Variants in CFAP221 observed in about 807,000 individuals in gnomAD.
The protein encoded by CFAP221 is cilia and flagella associated protein 221.
A neutral mutation model predicts 113.1 loss-of-function variants in CFAP221; 97 were observed. That is an observed-to-expected ratio of 0.86 (90% CI 0.73 to 1.02). The LOEUF (loss-of-function observed/expected upper bound fraction) is 1.02, where lower values mean the gene tolerates loss of function less well. CFAP221 is among the 50% of genes least tolerant of loss of function. The probability of loss-of-function intolerance (pLI) is 0.00; values close to 1 mark genes in which losing one functional copy is unlikely to be tolerated. For synonymous variants in CFAP221, 331 were observed against 354.4 expected (o/e 0.93, Z 0.74); for missense variants, 1,025 against 1,013.4 (o/e 1.01, Z -0.16).
intron 5 of CFAP221, 60 bp downstream of exon 5, chr2:119,560,086 A>G: frequency 3.2e-6 from 4 of 1,244,142 alleles, no homozygotes; most frequent in East Asian, 2.6e-5. Context: ...TAAAACTTAC[A>G]TTCTCAATGG....
At chr2:119,560,893 G>T (rs922867607) in intron 5 of CFAP221, among the ~76,000 whole-genome samples, 1 of 151,976 alleles carries the variant, frequency 6.6e-6, no homozygotes. Flanking sequence ...TAGGGGGAGG[G>T]AAAGAATCTT....
chr2:119,638,501 T>C, intron 20 of CFAP221, 84 bp downstream of exon 20: 1 of 1,537,766 alleles, frequency 6.5e-7, no homozygotes, highest in Non-Finnish European at 8.9e-7. Flanking sequence ...ACAGCTGGAA[T>C]TGCGACAAAG....
chr2:119,608,671 G>A (rs1684946292), intron 12 of CFAP221, 82 bp downstream of exon 12: 1 of 1,188,412 alleles, frequency 8.4e-7, no homozygotes, highest in Admixed American at 1.9e-5. Flanking sequence ...CCAGGTGGAG[G>A]AAAACCCACA....
intron 20 of CFAP221, 139 bp downstream of exon 20, chr2:119,638,556 C>T: frequency 1.8e-6 from 2 of 1,116,600 alleles, no homozygotes; most frequent in South Asian, 1.5e-5. Flanking sequence ...CACCGCCCCT[C>T]ATACCGCCAG....
At chr2:119,631,001 G>T in intron 19 of CFAP221, 100 bp downstream of exon 19, 3 of 1,485,528 alleles carry the variant, frequency 2.0e-6, no homozygotes, top group East Asian at 2.3e-5. Flanking sequence ...TTTTCTCTTT[G>T]GAATTTCAAG....
Position 119,559,951 on chromosome 2 carries a change from G to A in CFAP221, c.351G>A (p.Leu117=), listed in dbSNP as rs576652538. The A allele has an allele frequency of 3.9e-6, 6 of 1,535,046 alleles. No homozygotes were observed. The highest frequency in any genetic ancestry group is 1.2e-5 in the South Asian group (1 of 84,014). The change falls in exon 5 of 24, where the codon TTG becomes TTA. Residue 117 remains leucine, a synonymous_variant. Coordinates refer to ENST00000413369, the MANE Select transcript of CFAP221 (RefSeq NM_001271049.2). ...AGGAACACCACCTGGTCCCTGGCTT[G>A]TCCCTCACGGTCACCGTTACATTTT... ...VRKEHHLVPG[L]SLTVTVTFSP... is the part of the protein sequence containing the mutation.
intron 19 of CFAP221, among the ~76,000 whole-genome samples, chr2:119,635,646 A>G (rs1174860291): frequency 6.6e-6 from 1 of 152,242 alleles, no homozygotes; most frequent in African/African-American, 2.4e-5. Flanking sequence ...ATGTTATATC[A>G]AACTATGTAA....
At chr2:119,615,324 G>A (rs1685450457) in intron 13 of CFAP221, among the ~76,000 whole-genome samples, 1 of 152,156 alleles carries the variant, frequency 6.6e-6, no homozygotes, top group South Asian at 2.1e-4. Flanking sequence ...CATGGGATTG[G>A]TGACTTTATT....
At chr2:119,647,623 C>T (rs1354775605) in intron 22 of CFAP221, among the ~76,000 whole-genome samples, 1 of 152,104 alleles carries the variant, frequency 6.6e-6, no homozygotes, top group African/African-American at 2.4e-5. Flanking sequence ...CCAGCTCACA[C>T]GTGTACGTCC....
chr2:119,579,298 T>C (rs1682685695), intron 6 of CFAP221, among the ~76,000 whole-genome samples: 1 of 152,072 alleles, frequency 6.6e-6, no homozygotes, highest in Non-Finnish European at 1.5e-5. Context: ...GCACGAGATA[T>C]ATATATATAC....
chr2:119,594,050 T>C (rs988348327), intron 7 of CFAP221, among the ~76,000 whole-genome samples: 3 of 152,138 alleles, frequency 2.0e-5, no homozygotes, highest in African/African-American at 7.2e-5. Flanking sequence ...ATCCAAACCA[T>C]AGCATACAGT....
intron 6 of CFAP221, among the ~76,000 whole-genome samples, chr2:119,577,940 C>T (rs1184074248): frequency 1.3e-5 from 2 of 152,216 alleles, no homozygotes; most frequent in Non-Finnish European, 2.9e-5. Context: ...ACAACTTGGG[C>T]ATGGCCTGAT....
At chr2:119,601,131 G>A in intron 7 of CFAP221, 87 bp from the exon 8 acceptor site, 5 of 1,268,582 alleles carry the variant, frequency 3.9e-6, no homozygotes, top group Non-Finnish European at 5.2e-6. Context: ...ATTGTCAGAG[G>A]GTCAGCCATA....
At chr2:119,564,933 A>G (rs1681514808) in intron 6 of CFAP221, among the ~76,000 whole-genome samples, 1 of 152,192 alleles carries the variant, frequency 6.6e-6, no homozygotes, top group Non-Finnish European at 1.5e-5. Flanking sequence ...AGGTCACAGC[A>G]CAGATTGGGT....
intron 22 of CFAP221, among the ~76,000 whole-genome samples, chr2:119,651,111 C>T (rs148231361): frequency 6.6e-6 from 1 of 152,204 alleles, no homozygotes; most frequent in Non-Finnish European, 1.5e-5. Flanking sequence ...TGTTAGCAGA[C>T]AAGATACAGC....
At chr2:119,612,268 T>G (rs1280300009) in intron 13 of CFAP221, among the ~76,000 whole-genome samples, 1 of 152,214 alleles carries the variant, frequency 6.6e-6, no homozygotes, top group Non-Finnish European at 1.5e-5. Context: ...ATTGTCACAC[T>G]GCTATGAAGA....
chr2:119,604,925 T>C lies in CFAP221; in HGVS notation c.962T>C (p.Phe321Ser), dbSNP rs758342076. Reference sequence around the variant, plus strand: ...TTTCCAGTAGATTTATCGAATCCATTTGCTGTGGCAACTGTTTTAAACCAA... The same window carrying C: ...TTTCCAGTAGATTTATCGAATCCATCTGCTGTGGCAACTGTTTTAAACCAA... ...LRFPVDLSNPFAVATVLNQEP... is the reference protein window; with the variant it reads ...LRFPVDLSNPSAVATVLNQEP... The change falls in exon 10 of 24, where the codon TTT (phenylalanine) becomes TCT (serine). Residue 321 changes from phenylalanine to serine, a missense_variant. Transcript: ENST00000413369. 2 of 1,614,152 alleles carry C rather than the reference T, an allele frequency of 1.2e-6. No homozygotes were observed. The highest frequency in any genetic ancestry group is 3.3e-5 in the Admixed American group (2 of 60,024).
chr2:119,618,652 C>G (rs1372556951), intron 14 of CFAP221, among the ~76,000 whole-genome samples: 1 of 152,192 alleles, frequency 6.6e-6, no homozygotes, highest in Non-Finnish European at 1.5e-5. Context: ...AATCACAAAA[C>G]TGGGTGGCCA....
At position 119,565,436 on chromosome 2, in the gene CFAP221, G is replaced by A. The variant is rs1036448446; in HGVS notation, c.527+3322G>A. ...AAATTACTTTTTGTTTGGATCATAAGCCAGGCTTATGAGTTGAGAACAATG... is the reference window on the plus strand; with the variant it reads ...AAATTACTTTTTGTTTGGATCATAAACCAGGCTTATGAGTTGAGAACAATG... On this transcript the variant is annotated intron_variant, in intron 6 of 23. Transcript: ENST00000413369. Among the ~76,000 whole-genome samples, 6 of 151,966 alleles carry A rather than the reference G, an allele frequency of 3.9e-5. No homozygotes were observed. The East Asian group carries it at 1.2e-3, about 29-fold the overall frequency.
Sources: allele counts gnomAD v4.1 joint callset (sites outside exome capture counted in the v4.1 genomes callset), GRCh38; gene constraint gnomAD v4.1.1; transcripts MANE v1.5; gene names NCBI Gene and HGNC (gene_info 2026-07-23, HGNC 2026-07-21).